PAQR5: variants seen among roughly 807,000 people sequenced by gnomAD.
PAQR5 encodes the protein membrane progestin receptor gamma.
Under a neutral mutation model 34.5 loss-of-function variants are expected in PAQR5, and 20 were observed. That is an observed-to-expected ratio of 0.58 (90% CI 0.41 to 0.84). PAQR5 has a LOEUF of 0.84. Among genes scored for constraint, PAQR5 ranks in the 40% least tolerant of loss-of-function variants. The probability of loss-of-function intolerance (pLI) is 0.00; values close to 1 mark genes in which losing one functional copy is unlikely to be tolerated. For missense variants in PAQR5, 378 were observed against 412.7 expected (o/e 0.92, Z 0.73); for synonymous variants, 131 against 155.6 (o/e 0.84, Z 1.18).
chr15:69,355,311 T>C (rs1454240953), intron 2 of PAQR5, among the ~76,000 whole-genome samples: 1 of 39,630 alleles, frequency 2.5e-5, no homozygotes, highest in Non-Finnish European at 4.5e-5. Flanking sequence ...TTTCTTTCTT[T>C]CTTTCTTTCT....
chr15:69,387,465 T>A (rs2056144210), intron 5 of PAQR5, among the ~76,000 whole-genome samples: 1 of 152,220 alleles, frequency 6.6e-6, no homozygotes, highest in South Asian at 2.1e-4. Flanking sequence ...ATATCTTCTT[T>A]GTGGGTATGT....
intron 1 of PAQR5, among the ~76,000 whole-genome samples, chr15:69,325,575 G>A (rs1357229530): frequency 7.1e-6 from 1 of 140,208 alleles, no homozygotes; most frequent in Non-Finnish European, 1.5e-5. Context: ...AGGTATTCAG[G>A]AAATGTGTGC....
intron 3 of PAQR5, among the ~76,000 whole-genome samples, chr15:69,368,401 G>A (rs2055462007): frequency 6.6e-6 from 1 of 152,214 alleles, no homozygotes; most frequent in African/African-American, 2.4e-5. Flanking sequence ...ATAGTCACAT[G>A]GCCCCAACCT....
At chr15:69,349,316 A>G (rs1029279235) in intron 2 of PAQR5, among the ~76,000 whole-genome samples, 3 of 152,186 alleles carry the variant, frequency 2.0e-5, no homozygotes, top group Admixed American at 1.3e-4. Context: ...CTAGACCTGC[A>G]ACCAGGCGTG....
intron 2 of PAQR5, among the ~76,000 whole-genome samples, chr15:69,353,328 C>G (rs929610520): frequency 6.6e-6 from 1 of 152,190 alleles, no homozygotes; most frequent in African/African-American, 2.4e-5. Context: ...GGATTTGTCT[C>G]CCCTGAATGT....
At chr15:69,332,175 C>T (rs2054394606) in intron 1 of PAQR5, among the ~76,000 whole-genome samples, 1 of 152,196 alleles carries the variant, frequency 6.6e-6, no homozygotes, top group Non-Finnish European at 1.5e-5. Flanking sequence ...TAGGCGGTAG[C>T]AAATCTGCTG....
intron 1 of PAQR5, among the ~76,000 whole-genome samples, chr15:69,312,503 T>C (rs1344033646): frequency 6.6e-6 from 1 of 151,774 alleles, no homozygotes; most frequent in Non-Finnish European, 1.5e-5. Flanking sequence ...CCTTCAACCC[T>C]GGCAAAAGTC....
intron 3 of PAQR5, among the ~76,000 whole-genome samples, chr15:69,375,614 A>G (rs1203443407): frequency 6.6e-6 from 1 of 152,234 alleles, no homozygotes; most frequent in Non-Finnish European, 1.5e-5. Context: ...ACAGTGCACA[A>G]GAGGACAGGA....
At position 69,403,831 on chromosome 15, in the gene PAQR5, A is replaced by G. The variant is rs775466280; in HGVS notation, c.*9A>G. Reference sequence around the variant, plus strand: ...ATAAAAAAGAAACATGACTCAGACCATAAGCTTTTCATGCCAGATGTCAAC... The same window carrying G: ...ATAAAAAAGAAACATGACTCAGACCGTAAGCTTTTCATGCCAGATGTCAAC... On this transcript the variant is annotated 3_prime_UTR_variant, in exon 9 of 9. Transcript: ENST00000395407. 5.0e-6 allele frequency: 8 copies of G among 1,612,110 alleles called. No homozygotes were observed. Among genetic ancestry groups the G allele is most frequent in the Non-Finnish European group, 6.8e-6 (8 of 1,179,336 alleles).
intron 2 of PAQR5, among the ~76,000 whole-genome samples, chr15:69,343,081 T>G (rs2140743607): frequency 2.6e-5 from 4 of 152,338 alleles, no homozygotes; most frequent in Admixed American, 2.6e-4. Context: ...AATCCAGACA[T>G]CCGGTGGTGA....
At chr15:69,366,745 T>C (rs2055413538) in intron 3 of PAQR5, among the ~76,000 whole-genome samples, 2 of 152,324 alleles carry the variant, frequency 1.3e-5, no homozygotes. Context: ...ACCAATTTTG[T>C]TCTACTTGAT....
At chr15:69,332,276 C>G (rs574795041) in intron 1 of PAQR5, among the ~76,000 whole-genome samples, 1 of 152,260 alleles carries the variant, frequency 6.6e-6, no homozygotes, top group South Asian at 2.1e-4. Context: ...CCTATAAGCC[C>G]GCTTTTCAAG....
chr15:69,345,610 G>C (rs934254368), intron 2 of PAQR5, among the ~76,000 whole-genome samples: 1 of 152,136 alleles, frequency 6.6e-6, no homozygotes, highest in African/African-American at 2.4e-5. Flanking sequence ...TGCCTGTTTT[G>C]TTTTCTTTTT....
chr15:69,318,005 G>T (rs1021672120), intron 1 of PAQR5, among the ~76,000 whole-genome samples: 3 of 152,210 alleles, frequency 2.0e-5, no homozygotes, highest in African/African-American at 7.2e-5. Flanking sequence ...CCATCCTTGC[G>T]CAGGGTTTCT....
chr15:69,307,804 G>T (rs1595830328), intron 1 of PAQR5, among the ~76,000 whole-genome samples: 1 of 152,220 alleles, frequency 6.6e-6, no homozygotes, highest in African/African-American at 2.4e-5. Flanking sequence ...GCTGTCGGTG[G>T]GGTGGTAGAG....
At position 69,305,561 on chromosome 15, in the gene PAQR5, G is replaced by A. The variant is rs907796512; in HGVS notation, c.-277+6505G>A. On this transcript the variant is annotated intron_variant, in intron 1 of 8. Coordinates refer to ENST00000395407, the MANE Select transcript of PAQR5 (RefSeq NM_017705.4). ...GGAGAGAGGCCTGTGGTTCGGGCCCGCACACTAAGGTCAGTGGCCTTCCAG... is the reference window on the plus strand; with the variant it reads ...GGAGAGAGGCCTGTGGTTCGGGCCCACACACTAAGGTCAGTGGCCTTCCAG... Among the ~76,000 whole-genome samples the A allele has an allele frequency of 8.5e-4, 130 of 152,138 alleles. 1 individual carries two copies. The highest frequency in any genetic ancestry group is 3.3e-3 in the South Asian group (16 of 4,818).
At chr15:69,384,441 C>T (rs62007294) in intron 4 of PAQR5, among the ~76,000 whole-genome samples, 2,136 of 5,820 alleles carry the variant, frequency 0.37, 82 homozygotes, top group African/African-American at 0.38. Flanking sequence ...GGAGGGTGAG[C>T]GGGCCCTCCG....
chr15:69,392,873 A>C (rs1279620964), intron 6 of PAQR5, among the ~76,000 whole-genome samples: 2 of 152,086 alleles, frequency 1.3e-5, no homozygotes, highest in Non-Finnish European at 2.9e-5. Context: ...GGGAAGCAGC[A>C]AGGTGTGTTA....
In PAQR5 at chr15:69,404,840, G is replaced by A. The variant is rs369290010; in HGVS notation, c.*1018G>A. On this transcript the variant is annotated 3_prime_UTR_variant, in exon 9 of 9. Coordinates refer to ENST00000395407, the MANE Select transcript of PAQR5 (RefSeq NM_017705.4). ...CTTGTGACAAATGCAGACTCCTAGG[G>A]AAAACCAGGGGGTTCTGCTTCACTA... 2.5e-6 allele frequency: 1 copy of A among 397,550 alleles called. No individual in the cohort carries two copies. The highest frequency in any genetic ancestry group is 1.3e-4 in the South Asian group (1 of 7,418). The allele number at this position is 397,550 out of a possible 1,614,324, so 24.6% of individuals were successfully genotyped here. A position where few individuals can be genotyped will look rare whatever the true frequency, so the allele number is the denominator to read the frequency against.
Sources: allele counts gnomAD v4.1 joint callset (sites outside exome capture counted in the v4.1 genomes callset), GRCh38; gene constraint gnomAD v4.1.1; transcripts MANE v1.5; gene names NCBI Gene and HGNC (gene_info 2026-07-23, HGNC 2026-07-21).